Variants in UBE2D3 observed in about 807,000 individuals in gnomAD.
UBE2D3 encodes ubiquitin conjugating enzyme E2 D3.
Under a neutral mutation model 22.8 loss-of-function variants are expected in UBE2D3, and 2 were observed. That is an observed-to-expected ratio of 0.09 (90% CI 0.04 to 0.28). The LOEUF is 0.28. Ranked by LOEUF, UBE2D3 falls within the 10% of genes least tolerant of loss-of-function variation. The probability of loss-of-function intolerance (pLI) is 1.00; values close to 1 mark genes in which losing one functional copy is unlikely to be tolerated. For missense variants in UBE2D3, 27 were observed against 182.5 expected, an observed-to-expected ratio of 0.15 and a Z score of 4.91; for synonymous variants, 56 against 60.4, an observed-to-expected ratio of 0.93 and a Z score of 0.34.
chr4:102,854,449 G>A (rs1303364091), intron 1 of UBE2D3, among the ~76,000 whole-genome samples: 2 of 152,038 alleles, frequency 1.3e-5, no homozygotes, highest in Admixed American at 1.3e-4. Flanking sequence ...ATTTCTCTTC[G>A]TGGTTCTATC....
In UBE2D3 at chr4:102,801,439, A is replaced by G; in HGVS notation, c.304+15T>C. The G allele has an allele frequency of 6.3e-7, 1 of 1,579,544 alleles. No homozygotes were observed. Among genetic ancestry groups the G allele is most frequent in the African/African-American group, 1.3e-5 (1 of 74,248 alleles). ...TTAGACAATGAGAACAGCTTATTTC[A>G]CTAGAAATATTTACCTTTAGAAATT... On this transcript the variant is annotated intron_variant, in intron 6 of 7. Coordinates refer to ENST00000453744, the MANE Select transcript of UBE2D3 (RefSeq NM_181891.3).
At chr4:102,828,085 G>T (rs1450019999), upstream of UBE2D3, 24 of 985,360 alleles carry the variant, frequency 2.4e-5, no homozygotes, top group Non-Finnish European at 2.4e-5. Context: ...GCGAGACGCA[G>T]TAAGGCACCG....
At chr4:102,803,632 ACT>A (rs1232098990) in intron 4 of UBE2D3, among the ~76,000 whole-genome samples, 1 of 152,236 alleles carries the variant, frequency 6.6e-6, no homozygotes, top group African/African-American at 2.4e-5. Flanking sequence ...ATGAGCTTAC[ACT>A]GATAGACATG....
upstream of UBE2D3, chr4:102,827,615 C>G (rs1169140824): frequency 1.0e-6 from 1 of 986,810 alleles, no homozygotes. Flanking sequence ...CGGATCAGTC[C>G]GCCAACGCCG....
chr4:102,799,356 C>A (rs746801545), intron 7 of UBE2D3, 51 bp downstream of exon 7: 50 of 1,437,572 alleles, frequency 3.5e-5, no homozygotes, highest in Non-Finnish European at 4.7e-5. Flanking sequence ...AAAGTATAAG[C>A]CTAACTCATT....
At chr4:102,865,980 A>G (rs1733129101) in intron 1 of UBE2D3, among the ~76,000 whole-genome samples, 1 of 152,236 alleles carries the variant, frequency 6.6e-6, no homozygotes, top group Non-Finnish European at 1.5e-5. Flanking sequence ...AGATAAGCCT[A>G]TTACATCTAT....
chr4:102,798,655 C>T (rs1012886167), intron 7 of UBE2D3, among the ~76,000 whole-genome samples: 1 of 150,748 alleles, frequency 6.6e-6, no homozygotes. Context: ...AATTTAAACA[C>T]CATGATAGTT....
chr4:102,808,410 T>C (rs773323750), intron 4 of UBE2D3, among the ~76,000 whole-genome samples: 1 of 152,232 alleles, frequency 6.6e-6, no homozygotes, highest in Non-Finnish European at 1.5e-5. Context: ...GGATTGTGCA[T>C]TTCGTTATTA....
upstream of UBE2D3, chr4:102,828,122 G>A (rs934173982): frequency 6.1e-6 from 6 of 985,318 alleles, no homozygotes; most frequent in Non-Finnish European, 7.2e-6. Context: ...GCCACTGCCA[G>A]GAAAGCAACG....
At chr4:102,799,536 A>T (rs747548348) in intron 6 of UBE2D3, 36 bp from the exon 7 acceptor site, 4 of 1,535,472 alleles carry the variant, frequency 2.6e-6, no homozygotes, top group Non-Finnish European at 3.6e-6. Context: ...ACCCAGTTTC[A>T]GGAGTTTGGA....
chr4:102,861,067 C>T (rs1732875670), intron 1 of UBE2D3, among the ~76,000 whole-genome samples: 1 of 151,910 alleles, frequency 6.6e-6, no homozygotes, highest in Non-Finnish European at 1.5e-5. Flanking sequence ...TAGGGAAAAA[C>T]AGAAGTGAGC....
intron 2 of UBE2D3, chr4:102,825,482 T>C (rs955070894): frequency 1.0e-5 from 12 of 1,155,812 alleles, no homozygotes; most frequent in East Asian, 6.3e-5. Flanking sequence ...ATTCACATTA[T>C]TACGAAAGGA....
chr4:102,822,258 C>G (rs72931861), intron 2 of UBE2D3, among the ~76,000 whole-genome samples: 265 of 152,284 alleles, frequency 1.7e-3, no homozygotes, highest in African/African-American at 6.2e-3. Flanking sequence ...ATACTGAGGT[C>G]CTATTATTAT....
chr4:102,827,422 C>A lies in UBE2D3; in HGVS notation c.-129+5G>T. 1 of 986,078 alleles carries A rather than the reference C, an allele frequency of 1.0e-6. No homozygotes were observed. Among genetic ancestry groups the A allele is most frequent in the South Asian group, 4.7e-5 (1 of 21,338 alleles). The allele number at this position is 986,078 out of a possible 1,614,324, so 61.1% of individuals were successfully genotyped here. ...CCTGCCCTAGCCGTCCACACCCACG[C>A]GTACAGAGGGGCCGGGGCCTCCCTC... On this transcript the variant is annotated splice_donor_5th_base_variant and intron_variant, in intron 1 of 7. Transcript: ENST00000453744.
In UBE2D3 at chr4:102,826,615, C is replaced by G; in HGVS notation, c.-107G>C. ...GGGGCAGGATTGTCTCGTCTCACAC[C>G]AGCTCTGCCAGACACAGGCGCCTTT... On this transcript the variant is annotated 5_prime_UTR_variant, in exon 2 of 8. Transcript: ENST00000453744. The G allele has an allele frequency of 6.3e-7, 1 of 1,590,810 alleles. No individual in the cohort carries two copies. The highest frequency in any genetic ancestry group is 8.5e-7 in the Non-Finnish European group (1 of 1,175,010).
intron 4 of UBE2D3, among the ~76,000 whole-genome samples, chr4:102,804,773 C>T (rs1196165308): frequency 6.6e-6 from 1 of 152,106 alleles, no homozygotes; most frequent in African/African-American, 2.4e-5. Context: ...CTCCTGGGAT[C>T]AAGTGATTCT....
At chr4:102,846,938 C>T (rs1343031137) in intron 1 of UBE2D3, among the ~76,000 whole-genome samples, 1 of 152,080 alleles carries the variant, frequency 6.6e-6, no homozygotes, top group Non-Finnish European at 1.5e-5. Flanking sequence ...GCTACCATGC[C>T]TAGCCCCAGC....
At chr4:102,862,396 T>G (rs992264587) in intron 1 of UBE2D3, among the ~76,000 whole-genome samples, 16 of 152,040 alleles carry the variant, frequency 1.1e-4, no homozygotes, top group African/African-American at 3.9e-4. Context: ...CCCCAACCTA[T>G]AGTCCACTGT....
Position 102,827,475 on chromosome 4 carries a change from G to A in UBE2D3, c.-177C>T. 1.0e-6 allele frequency: 1 copy of A among 986,090 alleles called. No homozygotes were observed. The allele number at this position is 986,090 out of a possible 1,614,324, so 61.1% of individuals were successfully genotyped here. A position where few individuals can be genotyped will look rare whatever the true frequency, so the allele number is the denominator to read the frequency against. On this transcript the variant is annotated 5_prime_UTR_variant, in exon 1 of 8. Coordinates refer to ENST00000453744, the MANE Select transcript of UBE2D3 (RefSeq NM_181891.3). ...GCTGCGGCCTCGGCCTCCTCCCCGC[G>A]CGGCAGCTGGTGCCTCCCCGGCCCT...
Sources: gnomAD v4.1 joint callset for allele counts (sites outside exome capture counted in the v4.1 genomes callset) on GRCh38, gnomAD v4.1.1 for gene constraint, MANE v1.5 for transcripts, NCBI Gene and HGNC (gene_info 2026-07-23, HGNC 2026-07-21) for gene names.